Variants in DLGAP2 observed in about 807,000 individuals in gnomAD.
The protein encoded by DLGAP2 is DLG associated protein 2.
In DLGAP2, 26 loss-of-function variants were observed where a neutral mutation model predicts 100.3. That is an observed-to-expected ratio of 0.26 (90% CI 0.19 to 0.36). The LOEUF (loss-of-function observed/expected upper bound fraction) is 0.36. Ranked by LOEUF, DLGAP2 falls within the 10% of genes least tolerant of loss-of-function variation. The pLI is 1.00. For synonymous variants in DLGAP2, 886 were observed against 630.1 expected, an observed-to-expected ratio of 1.41 and a Z score of -6.08; for missense variants, 1,858 against 1,453.2, an observed-to-expected ratio of 1.28 and a Z score of -4.53.
At chr8:1,068,775 C>G (rs1803336064) in intron 2 of DLGAP2, among the ~76,000 whole-genome samples, 1 of 152,148 alleles carries the variant, frequency 6.6e-6, no homozygotes, top group Non-Finnish European at 1.5e-5. Flanking sequence ...GGCCCCTCCC[C>G]AAGTGCTTTC....
At chr8:1,344,146 G>T (rs78109603) in intron 3 of DLGAP2, among the ~76,000 whole-genome samples, 15 of 127,758 alleles carry the variant, frequency 1.2e-4, no homozygotes, top group East Asian at 6.8e-4. Context: ...GTGTACTCGG[G>T]GCCCTGTCGT....
intron 2 of DLGAP2, among the ~76,000 whole-genome samples, chr8:1,110,706 T>C (rs1804927789): frequency 7.3e-6 from 1 of 137,802 alleles, no homozygotes. Flanking sequence ...TCAGGGAAGA[T>C]TTATAGCCTT....
rs1439758166 is a variant in DLGAP2, at chr8:875,530, GA to G, written c.19-32380del. ...CTTCTCCTTTCTGCTGCCATGTGAA[GA>G]AGGATGTGTTTGCTTCCCCTTCCAC... On this transcript the variant is annotated intron_variant, in intron 1 of 14. Transcript: ENST00000637795. Among the ~76,000 whole-genome samples the G allele has an allele frequency of 2.0e-5, 3 of 152,306 alleles. No homozygotes were observed. The East Asian group carries it at 5.8e-4, about 29-fold the overall frequency.
intron 2 of DLGAP2, among the ~76,000 whole-genome samples, chr8:1,102,936 G>C (rs186078475): frequency 6.7e-4 from 102 of 151,970 alleles, no homozygotes; most frequent in African/African-American, 2.2e-3. Flanking sequence ...GGGTCCCTAT[G>C]AGTCTCTGGG....
At chr8:1,594,924 G>T (rs2956937) in intron 6 of DLGAP2, among the ~76,000 whole-genome samples, 1 of 152,154 alleles carries the variant, frequency 6.6e-6, no homozygotes, top group East Asian at 1.9e-4. Context: ...GCCACTCACT[G>T]GGGTCTCCAG....
chr8:988,391 GTAAC>G (rs1410431512), intron 2 of DLGAP2, among the ~76,000 whole-genome samples: 1 of 152,148 alleles, frequency 6.6e-6, no homozygotes, highest in Non-Finnish European at 1.5e-5. Flanking sequence ...GAAGCTGCAG[GTAAC>G]ACTCAGCCTT....
chr8:1,120,484 T>G (rs1796011904), intron 2 of DLGAP2, among the ~76,000 whole-genome samples: 2 of 152,116 alleles, frequency 1.3e-5, no homozygotes, highest in African/African-American at 4.8e-5. Flanking sequence ...TCTGCTACTT[T>G]CATAGCCCAC....
intron 3 of DLGAP2, among the ~76,000 whole-genome samples, chr8:1,318,266 G>T (rs1189322384): frequency 6.6e-6 from 1 of 152,144 alleles, no homozygotes. Context: ...CCAAATCGTG[G>T]CAACAACATG....
intron 3 of DLGAP2, among the ~76,000 whole-genome samples, chr8:1,416,659 G>A (rs4495454): frequency 0.66 from 99,538 of 151,910 alleles, 32,909 homozygotes; most frequent in East Asian, 0.83. Context: ...CTCTGTTTCT[G>A]TGTTGACATT....
chr8:1,574,394 C>G (rs1156353873), intron 6 of DLGAP2, among the ~76,000 whole-genome samples: 1 of 152,094 alleles, frequency 6.6e-6, no homozygotes, highest in African/African-American at 2.4e-5. Flanking sequence ...CACCATGACC[C>G]AAGCCTTAGA....
intron 3 of DLGAP2, among the ~76,000 whole-genome samples, chr8:1,493,202 C>T (rs1799443117): frequency 6.6e-6 from 1 of 152,168 alleles, no homozygotes; most frequent in East Asian, 1.9e-4. Context: ...CTGCCTTCAT[C>T]TCCGCAGCTC....
intron 3 of DLGAP2, among the ~76,000 whole-genome samples, chr8:1,426,270 C>T (rs533515505): frequency 1.3e-5 from 2 of 152,146 alleles, no homozygotes; most frequent in African/African-American, 2.4e-5. Context: ...CTATGAAAAA[C>T]GAGGAGACTA....
At chr8:1,391,923 A>C (rs1796366770) in intron 3 of DLGAP2, among the ~76,000 whole-genome samples, 1 of 152,188 alleles carries the variant, frequency 6.6e-6, no homozygotes, top group Admixed American at 6.5e-5. Context: ...GGGGCCATGG[A>C]GGAGCCGTCG....
At chr8:1,664,118 G>A (rs1798483417) in intron 8 of DLGAP2, among the ~76,000 whole-genome samples, 1 of 152,188 alleles carries the variant, frequency 6.6e-6, no homozygotes, top group Admixed American at 6.5e-5. Flanking sequence ...TGTGGGTGCG[G>A]GCACAGCAGC....
chr8:975,899 C>T lies in DLGAP2; in HGVS notation c.73+67933C>T, dbSNP rs146806840. Among the ~76,000 whole-genome samples the T allele has an allele frequency of 2.2e-3, 324 of 150,534 alleles. 2 individuals carry two copies. The highest frequency in any genetic ancestry group is 7.2e-3 in the African/African-American group (297 of 40,978). On this transcript the variant is annotated intron_variant, in intron 2 of 14. Transcript: ENST00000637795. ...GAAATAAAAGCTGTACAGACCAAGA[C>T]GGGAGAAATAAACCTATTTCACAGA... is the stretch of plus-strand genomic sequence containing the variant.
At chr8:1,609,419 C>G (rs539124822) in intron 6 of DLGAP2, among the ~76,000 whole-genome samples, 2 of 137,308 alleles carry the variant, frequency 1.5e-5, no homozygotes. Context: ...ACGACCGGTA[C>G]CAGCTGCTGC....
At chr8:1,303,098 G>A (rs1453981494) in intron 3 of DLGAP2, among the ~76,000 whole-genome samples, 1 of 152,148 alleles carries the variant, frequency 6.6e-6, no homozygotes, top group Non-Finnish European at 1.5e-5. Context: ...AAAAGCCAAT[G>A]AATAAAAAGG....
intron 1 of DLGAP2, among the ~76,000 whole-genome samples, chr8:815,824 G>A (rs1349881153): frequency 1.3e-5 from 2 of 152,150 alleles, no homozygotes; most frequent in Non-Finnish European, 2.9e-5. Flanking sequence ...TGGAGCATGT[G>A]TTCTCATTCA....
At chr8:1,666,004 C>T (rs1254989205) in intron 8 of DLGAP2, among the ~76,000 whole-genome samples, 1 of 152,200 alleles carries the variant, frequency 6.6e-6, no homozygotes, top group Non-Finnish European at 1.5e-5. Flanking sequence ...TCATCAGAAG[C>T]AAGTGTTTAA....
Sources: allele counts gnomAD v4.1 joint callset (sites outside exome capture counted in the v4.1 genomes callset), GRCh38; gene constraint gnomAD v4.1.1; transcripts MANE v1.5; gene names NCBI Gene and HGNC (gene_info 2026-07-23, HGNC 2026-07-21).